EFNA3: variants seen among roughly 807,000 people sequenced by gnomAD.
EFNA3 encodes ephrin A3.
Under a neutral mutation model 25.0 loss-of-function variants are expected in EFNA3, and 15 were observed. That is an observed-to-expected ratio of 0.60 (90% CI 0.40 to 0.92). The LOEUF is 0.92. Among genes scored for constraint, EFNA3 ranks in the 40% least tolerant of loss-of-function variants. The pLI is 0.00. For synonymous variants in EFNA3, 153 were observed against 145.6 expected, an observed-to-expected ratio of 1.05 and a Z score of -0.37; for missense variants, 298 against 323.8, an observed-to-expected ratio of 0.92 and a Z score of 0.61.
chr1:155,086,481 C>A lies in EFNA3; in HGVS notation c.655C>A (p.Arg219=). The change falls in exon 5 of 5, where the codon CGG becomes AGG. Residue 219 remains arginine (R), a synonymous_variant. Coordinates refer to ENST00000368408, the MANE Select transcript of EFNA3 (RefSeq NM_004952.5). ...EKSISGTSPK[R]EHLPLAVGIA... ...GAGCATCAGCGGGACCAGCCCCAAA[C>A]GGGAACACCTGCCCCTGGCCGTGGG... 1.9e-6 allele frequency: 3 copies of A among 1,614,108 alleles called. No homozygotes were observed. The highest frequency in any genetic ancestry group is 1.1e-5 in the South Asian group (1 of 91,084).
Position 155,085,193 on chromosome 1 carries a change from G to C in EFNA3, c.231G>C (p.Pro77=), listed in dbSNP as rs1663429679. The C allele has an allele frequency of 2.5e-6, 4 of 1,612,958 alleles. No individual in the cohort carries two copies. Among genetic ancestry groups the C allele is most frequent in the African/African-American group, 1.3e-5 (1 of 75,038 alleles). The part of the protein sequence containing the change: ...NSSGVGPGAG[P]GPGGGAEQYV... ...CGGGGGTGGGCCCCGGGGCGGGACC[G>C]GGGCCCGGAGGCGGGGCAGAGCAGT... Residue 77 remains proline (P), a synonymous_variant, in exon 2 of 5, where the codon CCG becomes CCC. Transcript: ENST00000368408. The surrounding 1 kb of genome is among the most constrained non-coding windows in gnomAD (Gnocchi z 4.4).
At chr1:155,084,383 G>T (rs1257203920) in intron 1 of EFNA3, among the ~76,000 whole-genome samples, 1 of 152,254 alleles carries the variant, frequency 6.6e-6, no homozygotes, top group Non-Finnish European at 1.5e-5. Context: ...GAGACCCCCA[G>T]ATTGGTGGGG....
In EFNA3 at chr1:155,081,018, G is replaced by A. The variant is rs779501953; in HGVS notation, c.128+1949G>A. 1.2e-4 allele frequency among the ~76,000 whole-genome samples: 19 copies of A among 152,092 alleles called. No homozygotes were observed. Among genetic ancestry groups the A allele is most frequent in the Non-Finnish European group, 2.2e-4 (15 of 67,976 alleles). ...GGCCGACCGAGCCACAGGCTCCCGC[G>A]CCCCCTCCCCCTAGTCACGTGAGCT... On this transcript the variant is annotated intron_variant, in intron 1 of 4. Coordinates refer to ENST00000368408, the MANE Select transcript of EFNA3 (RefSeq NM_004952.5). The surrounding 1 kb of genome is among the most constrained non-coding windows in gnomAD (Gnocchi z 5.2).
At chr1:155,083,177 G>A (rs889170110) in intron 1 of EFNA3, among the ~76,000 whole-genome samples, 4 of 152,338 alleles carry the variant, frequency 2.6e-5, no homozygotes, top group Middle Eastern at 6.8e-3. Flanking sequence ...CTGCTGGAAT[G>A]GGGTGTGTTG....
chr1:155,086,708 C>A lies in EFNA3; in HGVS notation c.*165C>A, dbSNP rs965888128. Reference sequence around the variant, plus strand: ...GTCCGCCCCCTCTACCCCTTCCCCCCACGTAGGGCACTGTAGTGGACCAAG... The same window carrying A: ...GTCCGCCCCCTCTACCCCTTCCCCCAACGTAGGGCACTGTAGTGGACCAAG... On this transcript the variant is annotated 3_prime_UTR_variant, in exon 5 of 5. Transcript: ENST00000368408. 12 of 834,454 alleles carry A rather than the reference C, an allele frequency of 1.4e-5. No homozygotes were observed. Among genetic ancestry groups the A allele is most frequent in the Non-Finnish European group, 1.8e-5 (10 of 550,622 alleles). 51.7% of individuals were successfully genotyped at this position (834,454 alleles called of 1,614,324 possible).
chr1:155,083,214 G>C (rs1663378135), intron 1 of EFNA3, among the ~76,000 whole-genome samples: 1 of 152,214 alleles, frequency 6.6e-6, no homozygotes, highest in Non-Finnish European at 1.5e-5. Context: ...GTACAGCAGG[G>C]AGGGGCTGCT....
rs1348873589 is a variant in EFNA3, at chr1:155,081,103, G to T, written c.128+2034G>T. 6.6e-6 allele frequency among the ~76,000 whole-genome samples: 1 copy of T among 152,160 alleles called. No individual in the cohort carries two copies. The highest frequency in any genetic ancestry group is 1.5e-5 in the Non-Finnish European group (1 of 68,008). ...GGGTCTCTGCCCCTTGGGGTCACGT[G>T]GGGAGGGTCTTGCGACCCCGCCTCC... On this transcript the variant is annotated intron_variant, in intron 1 of 4. Coordinates refer to ENST00000368408, the MANE Select transcript of EFNA3 (RefSeq NM_004952.5). The surrounding 1 kb of genome is among the most constrained non-coding windows in gnomAD (Gnocchi z 5.2).
Position 155,086,802 on chromosome 1 carries a change from C to A in EFNA3, c.*259C>A. The A allele has an allele frequency of 2.2e-6, 1 of 454,220 alleles. No individual in the cohort carries two copies. 28.1% of individuals were successfully genotyped at this position (454,220 alleles called of 1,614,324 possible). On this transcript the variant is annotated 3_prime_UTR_variant, in exon 5 of 5. Coordinates refer to ENST00000368408, the MANE Select transcript of EFNA3 (RefSeq NM_004952.5). The stretch of plus-strand genomic sequence containing the variant: ...AATGTTTGGTACCAAACTTGGGGGC[C>A]AAAAAGGGCAGTGCTCAGGACTCCC...
Position 155,079,961 on chromosome 1 carries a change from G to A in EFNA3, c.128+892G>A, listed in dbSNP as rs1170954517. 6.6e-6 allele frequency among the ~76,000 whole-genome samples: 1 copy of A among 152,068 alleles called. No homozygotes were observed. Among genetic ancestry groups the A allele is most frequent in the Non-Finnish European group, 1.5e-5 (1 of 67,992 alleles). ...GGGCGGGTGTCAGGGCGGCCGTGTG[G>A]TTTCCCGGGGTGTGTGGCGCGGTGG... On this transcript the variant is annotated intron_variant, in intron 1 of 4. Coordinates refer to ENST00000368408, the MANE Select transcript of EFNA3 (RefSeq NM_004952.5). The surrounding 1 kb of genome is among the most constrained non-coding windows in gnomAD (Gnocchi z 7.7).
At position 155,078,949 on chromosome 1, in the gene EFNA3, C is replaced by A; in HGVS notation, c.8C>A (p.Ala3Glu). 1 of 1,409,260 alleles carries A rather than the reference C, an allele frequency of 7.1e-7. No homozygotes were observed. The highest frequency in any genetic ancestry group is 9.2e-7 in the Non-Finnish European group (1 of 1,081,354). 87.3% of individuals were successfully genotyped at this position (1,409,260 alleles called of 1,614,324 possible). A position where few individuals can be genotyped will look rare whatever the true frequency, so the allele number is the denominator to read the frequency against. The change falls in exon 1 of 5, where the codon GCG becomes GAG. Residue 3 changes from alanine (A) to glutamate (E), a missense_variant. Transcript: ENST00000368408. ...GCGGCGGCGGCTCCGGGGATGGCGG[C>A]GGCTCCGCTGCTGCTGCTGCTGCTG... is the stretch of plus-strand genomic sequence containing the variant. Reference protein sequence around the residue: MAAAPLLLLLLLV... With the variant: MAEAPLLLLLLLV...
chr1:155,083,853 C>A (rs1663389194), intron 1 of EFNA3, among the ~76,000 whole-genome samples: 1 of 152,214 alleles, frequency 6.6e-6, no homozygotes, highest in Admixed American at 6.5e-5. Context: ...CCATGCCTTT[C>A]TGTGTCCACC....
chr1:155,085,475 T>C lies in EFNA3; in HGVS notation c.442+71T>C. On this transcript the variant is annotated intron_variant, in intron 2 of 4. Coordinates refer to ENST00000368408, the MANE Select transcript of EFNA3 (RefSeq NM_004952.5). The surrounding 1 kb of genome is among the most constrained non-coding windows in gnomAD (Gnocchi z 4.4). Reference sequence around the variant, plus strand: ...AGTGACAGCCGGGGGGTGGAGCCCCTAGGCTCCGGGGCGGGGCCGGCGCGG... The same window carrying C: ...AGTGACAGCCGGGGGGTGGAGCCCCCAGGCTCCGGGGCGGGGCCGGCGCGG... 6.9e-7 allele frequency: 1 copy of C among 1,445,422 alleles called. No individual in the cohort carries two copies. The highest frequency in any genetic ancestry group is 9.2e-7 in the Non-Finnish European group (1 of 1,091,666). The allele number at this position is 1,445,422 out of a possible 1,614,324, so 89.5% of individuals were successfully genotyped here.
intron 1 of EFNA3, among the ~76,000 whole-genome samples, chr1:155,082,505 C>G (rs1663361102): frequency 6.6e-6 from 1 of 152,162 alleles, no homozygotes; most frequent in African/African-American, 2.4e-5. Flanking sequence ...CAGGCGCGGG[C>G]CGGCAGGGCA....
In EFNA3 at chr1:155,086,581, G is replaced by A. The variant is rs1427298413; in HGVS notation, c.*38G>A. The A allele has an allele frequency of 6.2e-7, 1 of 1,609,260 alleles. No individual in the cohort carries two copies. Among genetic ancestry groups the A allele is most frequent in the Non-Finnish European group, 8.5e-7 (1 of 1,177,760 alleles). The stretch of plus-strand genomic sequence containing the variant: ...CCCTGGGGGGGGAGAGATGGGGCGG[G>A]GCTTGGAAGGAGCAGGGAGCCTTTG... On this transcript the variant is annotated 3_prime_UTR_variant, in exon 5 of 5. Transcript: ENST00000368408.
chr1:155,086,321 G>T, intron 4 of EFNA3, 92 bp from the exon 5 acceptor site: 3 of 1,593,900 alleles, frequency 1.9e-6, no homozygotes, highest in South Asian at 2.3e-5. Flanking sequence ...CCCTGTGGGT[G>T]GTCACGTCCC....
chr1:155,085,637 G>C lies in EFNA3; in HGVS notation c.442+233G>C. The C allele has an allele frequency of 1.5e-6, 1 of 684,308 alleles. No homozygotes were observed. Among genetic ancestry groups the C allele is most frequent in the Non-Finnish European group, 2.4e-6 (1 of 414,240 alleles). 42.4% of individuals were successfully genotyped at this position (684,308 alleles called of 1,614,324 possible). On this transcript the variant is annotated intron_variant, in intron 2 of 4. Coordinates refer to ENST00000368408, the MANE Select transcript of EFNA3 (RefSeq NM_004952.5). The surrounding 1 kb of genome is among the most constrained non-coding windows in gnomAD (Gnocchi z 4.4). ...CAAGTTTGGGCTGCGGAGAATCGCT[G>C]TTTCTGTGAGGGACATTCCGGGGTT...
rs769925535 is a variant in EFNA3 at position 155,085,007 on chromosome 1, TGGGGA to T, written c.129-79_129-75del. On this transcript the variant is annotated intron_variant, in intron 1 of 4. Transcript: ENST00000368408. The surrounding 1 kb of genome is among the most constrained non-coding windows in gnomAD (Gnocchi z 4.4). ...AAAAGTCGGAAGGCTACGCGGACCC[TGGGGA>T]GGGGCTGCGGAGCGGTCAGATGGAA... is the stretch of plus-strand genomic sequence containing the variant. 1,023 of 1,492,936 alleles carry T rather than the reference TGGGGA, an allele frequency of 6.9e-4. No homozygotes were observed. The highest frequency in any genetic ancestry group is 8.7e-4 in the Non-Finnish European group (950 of 1,087,876). 92.5% of individuals were successfully genotyped at this position (1,492,936 alleles called of 1,614,324 possible).
chr1:155,086,716 G>A lies in EFNA3; in HGVS notation c.*173G>A. On this transcript the variant is annotated 3_prime_UTR_variant, in exon 5 of 5. Coordinates refer to ENST00000368408, the MANE Select transcript of EFNA3 (RefSeq NM_004952.5). ...CCTCTACCCCTTCCCCCCACGTAGGGCACTGTAGTGGACCAAGCACGGGGA... is the reference window on the plus strand; with the variant it reads ...CCTCTACCCCTTCCCCCCACGTAGGACACTGTAGTGGACCAAGCACGGGGA... 1 of 795,438 alleles carries A rather than the reference G, an allele frequency of 1.3e-6. No individual in the cohort carries two copies. Among genetic ancestry groups the A allele is most frequent in the East Asian group, 2.7e-5 (1 of 36,688 alleles). The allele number at this position is 795,438 out of a possible 1,614,324, so 49.3% of individuals were successfully genotyped here. A position where few individuals can be genotyped will look rare whatever the true frequency, so the allele number is the denominator to read the frequency against.
In EFNA3 at chr1:155,085,849, AG is replaced by A. The variant is rs777746211; in HGVS notation, c.443-27del. ...AGGGCACAGGCACACATTGGGCGAA[AG>A]TGACTCAGGCCCGGTCTCCTCCCCA... On this transcript the variant is annotated intron_variant, in intron 2 of 4. Coordinates refer to ENST00000368408, the MANE Select transcript of EFNA3 (RefSeq NM_004952.5). The surrounding 1 kb of genome is among the most constrained non-coding windows in gnomAD (Gnocchi z 4.4). 1 of 1,611,492 alleles carries A rather than the reference AG, an allele frequency of 6.2e-7. No individual in the cohort carries two copies. Among genetic ancestry groups the A allele is most frequent in the Non-Finnish European group, 8.5e-7 (1 of 1,178,848 alleles).
Sources: allele counts gnomAD v4.1 joint callset (sites outside exome capture counted in the v4.1 genomes callset), GRCh38; gene constraint gnomAD v4.1.1; non-coding constraint Gnocchi (gnomAD v3.1); transcripts MANE v1.5; gene names NCBI Gene and HGNC (gene_info 2026-07-23, HGNC 2026-07-21).